The following FERMT2 variants were observed in gnomAD, a reference collection of about 807,000 sequenced individuals.
The protein encoded by FERMT2 is fermitin family homolog 2.
A neutral mutation model predicts 82.7 loss-of-function variants in FERMT2; 15 were observed. The observed-to-expected ratio is 0.18, with a 90% CI of 0.12 to 0.28. The LOEUF is 0.28. FERMT2 is among the 10% of genes least tolerant of loss of function. The pLI is 1.00. For synonymous variants in FERMT2, 274 were observed against 271.5 expected, an observed-to-expected ratio of 1.01 and a Z score of -0.09; for missense variants, 645 against 809.4, an observed-to-expected ratio of 0.80 and a Z score of 2.46.
chr14:52,909,104 C>T (rs1206515644), intron 3 of FERMT2, among the ~76,000 whole-genome samples: 1 of 152,128 alleles, frequency 6.6e-6, no homozygotes, highest in Non-Finnish European at 1.5e-5. Flanking sequence ...TTCTGCTTTG[C>T]TGTTAGGACA....
rs1178584628 is a variant in FERMT2 at position 52,857,572 on chromosome 14, CAG to C, written c.*803_*804del. 6.6e-6 allele frequency: 1 copy of C among 152,590 alleles called. No individual in the cohort carries two copies. Among genetic ancestry groups the C allele is most frequent in the Non-Finnish European group, 1.5e-5 (1 of 68,032 alleles). The allele number at this position is 152,590 out of a possible 1,614,324, so 9.5% of individuals were successfully genotyped here. ...ATCTCTTAAAGGCATTTAATTAACG[CAG>C]AGATTGCTACATTTAAGCCATCTGC... On this transcript the variant is annotated 3_prime_UTR_variant, in exon 15 of 15. Coordinates refer to ENST00000341590, the MANE Select transcript of FERMT2 (RefSeq NM_006832.3).
chr14:52,927,209 T>C (rs192205055), intron 2 of FERMT2, among the ~76,000 whole-genome samples: 127 of 152,214 alleles, frequency 8.3e-4, no homozygotes, highest in Non-Finnish European at 1.4e-3. Flanking sequence ...TGAGTAAATA[T>C]TGCTTAGTCT....
At chr14:52,937,632 T>C (rs554692687) in intron 2 of FERMT2, among the ~76,000 whole-genome samples, 6 of 152,346 alleles carry the variant, frequency 3.9e-5, no homozygotes, top group African/African-American at 1.4e-4. Flanking sequence ...GAGCCGGGAC[T>C]ATGCCTCACC....
intron 9 of FERMT2, among the ~76,000 whole-genome samples, chr14:52,873,418 C>CA (rs1566722220): frequency 6.6e-6 from 1 of 152,118 alleles, no homozygotes; most frequent in African/African-American, 2.4e-5. Flanking sequence ...ATTAACTTGC[C>CA]ACTCCAATAT....
At chr14:52,917,838 A>G (rs1437527434) in intron 3 of FERMT2, among the ~76,000 whole-genome samples, 1 of 152,228 alleles carries the variant, frequency 6.6e-6, no homozygotes, top group Non-Finnish European at 1.5e-5. Flanking sequence ...GCCTACAGGC[A>G]TAAGCAGCAG....
At chr14:52,919,031 C>T (rs1888788715) in intron 3 of FERMT2, 92 bp downstream of exon 3, 5 of 823,354 alleles carry the variant, frequency 6.1e-6, no homozygotes, top group Non-Finnish European at 9.9e-6. Context: ...TAGTTCAGCC[C>T]ATGCCCCATC....
intron 9 of FERMT2, among the ~76,000 whole-genome samples, 169 bp from the exon 10 acceptor site, chr14:52,873,092 C>A (rs1448498124): frequency 1.3e-5 from 2 of 152,142 alleles, no homozygotes; most frequent in African/African-American, 4.8e-5. Flanking sequence ...TTACTGGATG[C>A]GAGCCTCCCT....
At chr14:52,926,150 A>AAAGG (rs774301904) in intron 2 of FERMT2, among the ~76,000 whole-genome samples, 2 of 5,426 alleles carry the variant, frequency 3.7e-4, no homozygotes, top group Non-Finnish European at 4.7e-4. Flanking sequence ...GATGACTTTA[A>AAAGG]AATACTTACG....
chr14:52,890,524 T>C (rs776020247), intron 4 of FERMT2, among the ~76,000 whole-genome samples: 1 of 151,886 alleles, frequency 6.6e-6, no homozygotes. Context: ...TGATCTGTTA[T>C]TGACCAAAAC....
intron 2 of FERMT2, among the ~76,000 whole-genome samples, chr14:52,938,708 A>C (rs1889960149): frequency 6.6e-6 from 1 of 152,114 alleles, no homozygotes; most frequent in East Asian, 1.9e-4. Flanking sequence ...CTGAGACCAT[A>C]GGCATGAACC....
rs760177159 is a variant in FERMT2 at position 52,881,251 on chromosome 14, T to G, written c.745A>C (p.Asn249His). 6.2e-7 allele frequency: 1 copy of G among 1,613,716 alleles called. No individual in the cohort carries two copies. Among genetic ancestry groups the G allele is most frequent in the Non-Finnish European group, 8.5e-7 (1 of 1,179,706 alleles). ...CTATATCTTAAAACTTACCCTTGGTTGATTTTTGCTTTATCAAGAAGAGCT... is the reference window on the plus strand; with the variant it reads ...CTATATCTTAAAACTTACCCTTGGTGGATTTTTGCTTTATCAAGAAGAGCT... The part of the protein sequence containing the change: ...PQALLDKAKI[N>H]QGWLDSSRSL... Residue 249 changes from asparagine (N) to histidine (H), a missense_variant, in exon 5 of 15, where the codon AAC becomes CAC. Transcript: ENST00000341590.
chr14:52,861,084 A>AT (rs1397563498), intron 12 of FERMT2: 1 of 1,468,778 alleles, frequency 6.8e-7, no homozygotes, highest in Non-Finnish European at 9.0e-7. Flanking sequence ...AGAAAAAAAA[A>AT]GGCAATCAGA....
At chr14:52,886,028 T>G (rs908410702) in intron 4 of FERMT2, among the ~76,000 whole-genome samples, 2 of 151,252 alleles carry the variant, frequency 1.3e-5, no homozygotes, top group Non-Finnish European at 2.9e-5. Flanking sequence ...TTAATATCAC[T>G]AAAAGCAAAA....
intron 2 of FERMT2, among the ~76,000 whole-genome samples, chr14:52,934,209 T>C (rs374359620): frequency 7.2e-5 from 11 of 152,128 alleles, no homozygotes; most frequent in African/African-American, 1.2e-4. Flanking sequence ...TAATAATCAA[T>C]TGAAAAATTA....
intron 3 of FERMT2, among the ~76,000 whole-genome samples, chr14:52,912,159 T>C (rs893889269): frequency 6.6e-6 from 1 of 152,196 alleles, no homozygotes; most frequent in Admixed American, 6.5e-5. Flanking sequence ...ATCTAAATTT[T>C]ATGTACCTCC....
chr14:52,906,396 T>C (rs1594975318), intron 3 of FERMT2, among the ~76,000 whole-genome samples: 2 of 152,208 alleles, frequency 1.3e-5, no homozygotes, highest in Admixed American at 6.5e-5. Flanking sequence ...AAGGCTAATG[T>C]TGCCTCTGGT....
chr14:52,870,724 T>TAC (rs1195539918), intron 10 of FERMT2, among the ~76,000 whole-genome samples: 1 of 152,200 alleles, frequency 6.6e-6, no homozygotes, highest in African/African-American at 2.4e-5. Flanking sequence ...TTTGTGTAAG[T>TAC]ACACACACTC....
chr14:52,874,690 T>C (rs2140098283), intron 8 of FERMT2, among the ~76,000 whole-genome samples: 1 of 152,354 alleles, frequency 6.6e-6, no homozygotes, highest in Non-Finnish European at 1.5e-5. Context: ...TTGAGATTAT[T>C]TTCCTCTGCA....
intron 6 of FERMT2, among the ~76,000 whole-genome samples, chr14:52,880,716 T>C (rs183866880): frequency 3.9e-5 from 6 of 152,172 alleles, no homozygotes; most frequent in African/African-American, 1.4e-4. Flanking sequence ...GCCAGTTCTA[T>C]AGTACCAAAA....
Sources: allele counts gnomAD v4.1 joint callset (sites outside exome capture counted in the v4.1 genomes callset), GRCh38; gene constraint gnomAD v4.1.1; transcripts MANE v1.5; gene names NCBI Gene and HGNC (gene_info 2026-07-23, HGNC 2026-07-21).